MTA3: variants seen among roughly 807,000 people sequenced by gnomAD.
MTA3 encodes the protein metastasis-associated protein MTA3.
In MTA3, 34 loss-of-function variants were observed where a neutral mutation model predicts 83.5. That is an observed-to-expected ratio of 0.41 (90% confidence interval 0.31 to 0.54). The LOEUF is 0.54. Ranked by LOEUF, MTA3 falls within the 20% of genes least tolerant of loss-of-function variation. The pLI is 0.33. For synonymous variants in MTA3, 303 were observed against 252.7 expected, an observed-to-expected ratio of 1.20 and a Z score of -1.89; for missense variants, 761 against 726.4, an observed-to-expected ratio of 1.05 and a Z score of -0.55.
At chr2:42,740,440 A>T (rs1296002513) in intron 16 of MTA3, among the ~76,000 whole-genome samples, 1 of 152,088 alleles carries the variant, frequency 6.6e-6, no homozygotes, top group Admixed American at 6.5e-5. Context: ...TGAGCCCAGG[A>T]GGTCGAGGCC....
chr2:42,543,707 A>G (rs1230620904), intron 2 of MTA3, among the ~76,000 whole-genome samples: 1 of 150,142 alleles, frequency 6.7e-6, no homozygotes, highest in Non-Finnish European at 1.5e-5. Context: ...GCTGGTTTCA[A>G]ACATCTGGCC....
chr2:42,685,646 C>G (rs183227163), intron 9 of MTA3, among the ~76,000 whole-genome samples: 3 of 152,306 alleles, frequency 2.0e-5, no homozygotes, highest in African/African-American at 7.2e-5. Context: ...GATCTTAACC[C>G]TGCAGACTGC....
chr2:42,739,951 C>G (rs1349075225), intron 16 of MTA3, among the ~76,000 whole-genome samples: 2 of 152,208 alleles, frequency 1.3e-5, no homozygotes, highest in Non-Finnish European at 1.5e-5. Flanking sequence ...CCTGCTATGT[C>G]CACCATATCT....
chr2:42,695,717 T>C, intron 9 of MTA3, 48 bp from the exon 10 acceptor site: 1 of 1,143,554 alleles, frequency 8.7e-7, no homozygotes, highest in Middle Eastern at 2.5e-4. Flanking sequence ...TTCATCTCAT[T>C]TTATTATATG....
At position 42,585,417 on chromosome 2, in the gene MTA3, A is replaced by G. The variant is rs564075056; in HGVS notation, c.190+6217A>G. On this transcript the variant is annotated intron_variant, in intron 3 of 16. Transcript: ENST00000405094. ...AGTGGAAATTATTAAAAAGAAAAAC[A>G]TTGTAAGTTGAGTTCAGTAACAATA... Among the ~76,000 whole-genome samples, 5 of 150,644 alleles carry G rather than the reference A, an allele frequency of 3.3e-5. No homozygotes were observed. The South Asian group carries it at 8.4e-4, about 25-fold the overall frequency.
At chr2:42,647,460 C>A (rs1374806294) in intron 6 of MTA3, among the ~76,000 whole-genome samples, 1 of 151,972 alleles carries the variant, frequency 6.6e-6, no homozygotes, top group Non-Finnish European at 1.5e-5. Flanking sequence ...GTCCTGACTT[C>A]AAGCGATCTG....
At chr2:42,607,094 GGGTAGAGGTAGA>G (rs142091500) in intron 3 of MTA3, among the ~76,000 whole-genome samples, 2 of 147,680 alleles carry the variant, frequency 1.4e-5, no homozygotes, top group Non-Finnish European at 3.0e-5. Flanking sequence ...GTAGGGGTAG[GGGTAGAGGTAGA>G]GGTAGAGGTA....
rs77881662 is a variant in MTA3 at position 42,752,882 on chromosome 2, C to T, written c.1760-492C>T. Among the ~76,000 whole-genome samples, 1,479 of 152,034 alleles carry T rather than the reference C, an allele frequency of 9.7e-3. 20 individuals carry two copies. Among genetic ancestry groups the T allele is most frequent in the African/African-American group, 0.034 (1,417 of 41,450 alleles). On this transcript the variant is annotated intron_variant, in intron 16 of 16. Transcript: ENST00000405094. ...GTATCAATTATATATTTTATTGGCC[C>T]TAATTAAACTTTCCCTTTGATCCAG...
intron 2 of MTA3, among the ~76,000 whole-genome samples, chr2:42,532,582 CA>C (rs1461896844): frequency 6.6e-6 from 1 of 152,146 alleles, no homozygotes; most frequent in Admixed American, 6.6e-5. Context: ...CACAATAAGC[CA>C]CCTCACATCT....
intron 7 of MTA3, among the ~76,000 whole-genome samples, 159 bp downstream of exon 7, chr2:42,656,461 A>AT (rs1408438787): frequency 6.6e-6 from 1 of 152,092 alleles, no homozygotes; most frequent in East Asian, 1.9e-4. Flanking sequence ...CTGCTTCCTA[A>AT]TTTTATTAAT....
chr2:42,755,260 C>A lies in MTA3; in HGVS notation c.*1861C>A, dbSNP rs182524395. The A allele has an allele frequency of 1.0e-6, 1 of 985,382 alleles. No individual in the cohort carries two copies. The highest frequency in any genetic ancestry group is 1.2e-6 in the Non-Finnish European group (1 of 829,970). The allele number at this position is 985,382 out of a possible 1,614,324, so 61.0% of individuals were successfully genotyped here. A position where few individuals can be genotyped will look rare whatever the true frequency, so the allele number is the denominator to read the frequency against. On this transcript the variant is annotated 3_prime_UTR_variant, in exon 17 of 17. Transcript: ENST00000405094. Reference sequence around the variant, plus strand: ...AATGATTCCCTCACCCTTTCACTTTCTCTCTGAACCCCTACTAAGTGGTGA... The same window carrying A: ...AATGATTCCCTCACCCTTTCACTTTATCTCTGAACCCCTACTAAGTGGTGA...
At chr2:42,497,629 G>T (rs1674206449) in intron 2 of MTA3, among the ~76,000 whole-genome samples, 1 of 151,740 alleles carries the variant, frequency 6.6e-6, no homozygotes, top group East Asian at 1.9e-4. Context: ...CTCTCTCTAG[G>T]CTCAAACCCT....
intron 2 of MTA3, among the ~76,000 whole-genome samples, chr2:42,545,872 C>T (rs1467840105): frequency 2.0e-5 from 3 of 152,036 alleles, no homozygotes; most frequent in African/African-American, 4.8e-5. Context: ...TACTGTGCCA[C>T]GCTGCAGTTG....
intron 4 of MTA3, among the ~76,000 whole-genome samples, chr2:42,621,149 T>TTA (rs1553365297): frequency 4.0e-5 from 6 of 151,244 alleles, no homozygotes; most frequent in East Asian, 3.9e-4. Context: ...TTTTTTTTTT[T>TTA]AATTGATCAT....
At position 42,709,165 on chromosome 2, in the gene MTA3, CTTTT is replaced by C. The variant is rs752763597; in HGVS notation, c.1525+76_1525+79del. The C allele has an allele frequency of 2.4e-6, 3 of 1,274,562 alleles. No homozygotes were observed. In the Admixed American group the frequency reaches 8.8e-5, roughly 38 times the overall value. 79.0% of individuals were successfully genotyped at this position (1,274,562 alleles called of 1,614,324 possible). A position where few individuals can be genotyped will look rare whatever the true frequency, so the allele number is the denominator to read the frequency against. Reference sequence around the variant, plus strand: ...ACCATTTTCTCTTTTCCTCTCTTTCCTTTTTTTTTTGTTTGTTTGTTTGCAATAA... The same window carrying C: ...ACCATTTTCTCTTTTCCTCTCTTTCCTTTTTTGTTTGTTTGTTTGCAATAA... On this transcript the variant is annotated intron_variant, in intron 14 of 16. Coordinates refer to ENST00000405094, the MANE Select transcript of MTA3 (RefSeq NM_001330442.2).
chr2:42,637,828 AAG>A (rs1410816380), intron 4 of MTA3, among the ~76,000 whole-genome samples: 1 of 152,160 alleles, frequency 6.6e-6, no homozygotes, highest in African/African-American at 2.4e-5. Context: ...TATGAAAATA[AAG>A]GTTTTATAAT....
At chr2:42,658,071 C>CAAAAAAAAAA (rs59628946) in intron 7 of MTA3, among the ~76,000 whole-genome samples, 4 of 51,916 alleles carry the variant, frequency 7.7e-5, no homozygotes, top group African/African-American at 3.2e-4. Context: ...GACTCTGTCT[C>CAAAAAAAAAA]AAAAAAAAAA....
In MTA3 at chr2:42,548,814, T is replaced by TATATATATATATA. The variant is rs1309527557; in HGVS notation, c.-140-21622_-140-21610dup. 5.5e-3 allele frequency among the ~76,000 whole-genome samples: 184 copies of TATATATATATATA among 33,576 alleles called. 23 individuals are homozygous for TATATATATATATA. The highest frequency in any genetic ancestry group is 0.021 in the South Asian group (17 of 810). The allele number at this position is 33,576 out of a possible 152,430, so 22.0% of individuals were successfully genotyped here. A position where few individuals can be genotyped will look rare whatever the true frequency, so the allele number is the denominator to read the frequency against. ...TGAGACCCTGTCTCAAAAAAAAATA[T>TATATATATATATA]ATATATATATATATAATATATATAT... On this transcript the variant is annotated intron_variant, in intron 2 of 17. Coordinates refer to the MTA3 transcript ENST00000405592.
chr2:42,680,515 G>A (rs927626840), intron 8 of MTA3, among the ~76,000 whole-genome samples: 2 of 152,178 alleles, frequency 1.3e-5, no homozygotes, highest in African/African-American at 4.8e-5. Flanking sequence ...AGAAAGTCTG[G>A]GTGGGGGTGA....
Sources: gnomAD v4.1 joint callset for allele counts (sites outside exome capture counted in the v4.1 genomes callset) on GRCh38, gnomAD v4.1.1 for gene constraint, MANE v1.5 for transcripts, NCBI Gene and HGNC (gene_info 2026-07-23, HGNC 2026-07-21) for gene names.